ZNRF2: variants seen among roughly 807,000 people sequenced by gnomAD.
ZNRF2 encodes the protein zinc and ring finger 2, also known as E3 ubiquitin-protein ligase ZNRF2.
ZNRF2 carries 16 observed loss-of-function variants against 20.4 expected under a neutral mutation model. The observed-to-expected ratio is 0.79, with a 90% CI of 0.53 to 1.19. The LOEUF is 1.19. Among genes scored for constraint, ZNRF2 ranks in the 50% most tolerant of loss-of-function variants. The probability of loss-of-function intolerance (pLI) is 0.00; values close to 1 mark genes in which losing one functional copy is unlikely to be tolerated. For synonymous variants in ZNRF2, 178 were observed against 144.9 expected (o/e 1.23, Z -1.64); for missense variants, 363 against 332.4 (o/e 1.09, Z -0.72).
chr7:30,363,106 G>A (rs992425558), intron 4 of ZNRF2, among the ~76,000 whole-genome samples: 1 of 151,994 alleles, frequency 6.6e-6, no homozygotes, highest in Non-Finnish European at 1.5e-5. Flanking sequence ...GGGCGACAGA[G>A]CGAGTCTCCT....
At chr7:30,295,036 AGAGAGAGAGAGAGAGTGT>A (rs1798989243) in intron 1 of ZNRF2, among the ~76,000 whole-genome samples, 1 of 110,740 alleles carries the variant, frequency 9.0e-6, no homozygotes, top group East Asian at 2.8e-4. Flanking sequence ...AGAGAGAGAG[AGAGAGAGAGAGAGAGTGT>A]GTGTGTGTGT....
At position 30,285,544 on chromosome 7, in the gene ZNRF2, G is replaced by GGCGGCGCC. The variant is rs1798761719; in HGVS notation, c.194_201dup (p.Ala68ProfsTer78). On this transcript the variant is annotated frameshift_variant, in exon 1 of 5. Transcript: ENST00000323037. LOFTEE classifies it high-confidence loss of function. ...CAGCGCGCACCAGCCCAGCGCCTCCGGCGGCGCCGCGGCGGCCGCGGCGGC... is the reference window on the plus strand; with the variant it reads ...CAGCGCGCACCAGCCCAGCGCCTCCGGCGGCGCCGCGGCGCCGCGGCGGCCGCGGCGGC... The GGCGGCGCC allele has an allele frequency of 2.0e-6, 2 of 979,168 alleles. No homozygotes were observed. The highest frequency in any genetic ancestry group is 2.4e-6 in the Non-Finnish European group (2 of 828,234). 60.7% of individuals were successfully genotyped at this position (979,168 alleles called of 1,614,324 possible). A position where few individuals can be genotyped will look rare whatever the true frequency, so the allele number is the denominator to read the frequency against.
At chr7:30,338,359 G>C (rs1799747772) in intron 2 of ZNRF2, among the ~76,000 whole-genome samples, 1 of 151,196 alleles carries the variant, frequency 6.6e-6, no homozygotes, top group Non-Finnish European at 1.5e-5. Context: ...TGCCATGATG[G>C]TTTGCTGCAC....
chr7:30,316,572 A>G (rs1012594074), intron 1 of ZNRF2, among the ~76,000 whole-genome samples: 3 of 152,178 alleles, frequency 2.0e-5, no homozygotes, highest in Non-Finnish European at 4.4e-5. Flanking sequence ...TTCAGAATGT[A>G]TTCTGCTATA....
chr7:30,329,680 C>A (rs1224426582), intron 2 of ZNRF2, among the ~76,000 whole-genome samples: 4 of 152,106 alleles, frequency 2.6e-5, no homozygotes, highest in Non-Finnish European at 4.4e-5. Flanking sequence ...TTTATAGATA[C>A]CACGTTTTCT....
chr7:30,354,532 C>G (rs981378955), intron 2 of ZNRF2, among the ~76,000 whole-genome samples: 11 of 150,080 alleles, frequency 7.3e-5, no homozygotes. Context: ...AATTTTTCTG[C>G]AGGGTACTCT....
chr7:30,362,452 T>C lies in ZNRF2; in HGVS notation c.*18T>C. ...CAGATTAAGCGTCAGCTTCCTGTTTTATAGGTAATTTTTTTTGTAATTACT... is the reference window on the plus strand; with the variant it reads ...CAGATTAAGCGTCAGCTTCCTGTTTCATAGGTAATTTTTTTTGTAATTACT... On this transcript the variant is annotated 3_prime_UTR_variant, in exon 4 of 5. Coordinates refer to ENST00000323037, the MANE Select transcript of ZNRF2 (RefSeq NM_147128.4). 1 of 1,585,476 alleles carries C rather than the reference T, an allele frequency of 6.3e-7. No individual in the cohort carries two copies. The highest frequency in any genetic ancestry group is 8.6e-7 in the Non-Finnish European group (1 of 1,163,244).
At chr7:30,310,604 T>A (rs992535135) in intron 1 of ZNRF2, among the ~76,000 whole-genome samples, 4 of 152,224 alleles carry the variant, frequency 2.6e-5, no homozygotes, top group Non-Finnish European at 5.9e-5. Flanking sequence ...TTTTCTTTTT[T>A]AAAAAATTTT....
At chr7:30,339,839 A>G (rs1799769032) in intron 2 of ZNRF2, among the ~76,000 whole-genome samples, 1 of 152,154 alleles carries the variant, frequency 6.6e-6, no homozygotes. Flanking sequence ...CATTGACTCT[A>G]TAAATTACTT....
At chr7:30,295,143 C>T (rs1798997735) in intron 1 of ZNRF2, among the ~76,000 whole-genome samples, 1 of 143,580 alleles carries the variant, frequency 7.0e-6, no homozygotes, top group Non-Finnish European at 1.5e-5. Flanking sequence ...TATGGGCCTT[C>T]TTTAAGCTGG....
At chr7:30,349,069 G>T (rs1295975909) in intron 2 of ZNRF2, among the ~76,000 whole-genome samples, 1 of 151,994 alleles carries the variant, frequency 6.6e-6, no homozygotes, top group African/African-American at 2.4e-5. Flanking sequence ...GTGTGAATTG[G>T]CATTTTCCAG....
intron 4 of ZNRF2, among the ~76,000 whole-genome samples, chr7:30,363,059 G>T (rs1043487174): frequency 2.0e-5 from 3 of 152,026 alleles, no homozygotes; most frequent in Non-Finnish European, 4.4e-5. Context: ...AGGTGGAGTT[G>T]GCGGTGAGCT....
intron 1 of ZNRF2, among the ~76,000 whole-genome samples, chr7:30,295,039 G>C: frequency 8.6e-6 from 1 of 115,742 alleles, no homozygotes; most frequent in African/African-American, 4.0e-5. Context: ...GAGAGAGAGA[G>C]AGAGAGAGAG....
Position 30,285,036 on chromosome 7 carries a change from C to T in ZNRF2, c.-322C>T, listed in dbSNP as rs1483367082. 7 of 406,198 alleles carry T rather than the reference C, an allele frequency of 1.7e-5. No individual in the cohort carries two copies. Among genetic ancestry groups the T allele is most frequent in the East Asian group, 1.4e-4 (1 of 7,266 alleles). The allele number at this position is 406,198 out of a possible 1,614,324, so 25.2% of individuals were successfully genotyped here. On this transcript the variant is annotated 5_prime_UTR_variant, in exon 1 of 5. Coordinates refer to ENST00000323037, the MANE Select transcript of ZNRF2 (RefSeq NM_147128.4). The stretch of plus-strand genomic sequence containing the variant: ...GCGGCCCGTCGTGGCGCACCAGAAC[C>T]GAAACCAGCGGCAGCCGCACGGCCA...
At chr7:30,288,387 G>A (rs190712573) in intron 1 of ZNRF2, among the ~76,000 whole-genome samples, 6 of 152,214 alleles carry the variant, frequency 3.9e-5, no homozygotes, top group Admixed American at 3.9e-4. Context: ...AGAAAATGTG[G>A]TACTAATAAG....
chr7:30,304,312 G>T (rs1301142450), intron 1 of ZNRF2, among the ~76,000 whole-genome samples: 1 of 152,144 alleles, frequency 6.6e-6, no homozygotes, highest in African/African-American at 2.4e-5. Context: ...CTATATTCCA[G>T]GACTAGCATT....
At chr7:30,324,517 C>A (rs1799522129) in intron 2 of ZNRF2, among the ~76,000 whole-genome samples, 1 of 150,522 alleles carries the variant, frequency 6.6e-6, no homozygotes, top group Non-Finnish European at 1.5e-5. Context: ...CCACTGCACT[C>A]CAGCCTTGGA....
Position 30,365,607 on chromosome 7 carries a change from G to T in ZNRF2, c.*23-428G>T, listed in dbSNP as rs529475115. On this transcript the variant is annotated intron_variant, in intron 4 of 4. Transcript: ENST00000323037. ...ACCTTTTAATAGTCCTAGATTAAAGGTATATGGGTTTGAGGAGGATTCAGT... is the reference window on the plus strand; with the variant it reads ...ACCTTTTAATAGTCCTAGATTAAAGTTATATGGGTTTGAGGAGGATTCAGT... Among the ~76,000 whole-genome samples, 308 of 152,252 alleles carry T rather than the reference G, an allele frequency of 2.0e-3. 2 individuals are homozygous for T. The highest frequency in any genetic ancestry group is 7.1e-3 in the African/African-American group (294 of 41,542).
chr7:30,345,932 T>C (rs1284584226), intron 2 of ZNRF2, among the ~76,000 whole-genome samples: 2 of 152,136 alleles, frequency 1.3e-5, no homozygotes, highest in Admixed American at 1.3e-4. Flanking sequence ...GTTTTCTTGC[T>C]CTCTGCTGTT....
Sources: allele counts gnomAD v4.1 joint callset (sites outside exome capture counted in the v4.1 genomes callset), GRCh38; gene constraint gnomAD v4.1.1; transcripts MANE v1.5; gene names NCBI Gene and HGNC (gene_info 2026-07-23, HGNC 2026-07-21).